Variants in RAPGEF6 observed in about 807,000 individuals in gnomAD.
RAPGEF6 encodes the protein PDZ domain containing guanine nucleotide exchange factor (GEF) 2.
In RAPGEF6, 56 loss-of-function variants were observed where a neutral mutation model predicts 171.4. That is an observed-to-expected ratio of 0.33 (90% confidence interval 0.26 to 0.41). RAPGEF6 has a LOEUF of 0.41. Ranked by LOEUF, RAPGEF6 falls within the 10% of genes least tolerant of loss-of-function variation. RAPGEF6 has a pLI of 1.00. For missense variants in RAPGEF6, 1,674 were observed against 1,921.4 expected, an observed-to-expected ratio of 0.87 and a Z score of 2.41; for synonymous variants, 692 against 650.1, an observed-to-expected ratio of 1.06 and a Z score of -0.98.
chr5:131,537,768 C>G (rs1347346095), intron 6 of RAPGEF6, among the ~76,000 whole-genome samples: 2 of 152,068 alleles, frequency 1.3e-5, no homozygotes, highest in Non-Finnish European at 2.9e-5. Context: ...AAACTGCAGA[C>G]AGAAAATATT....
chr5:131,486,656 A>C (rs1449690271), intron 15 of RAPGEF6, among the ~76,000 whole-genome samples: 1 of 151,898 alleles, frequency 6.6e-6, no homozygotes, highest in Non-Finnish European at 1.5e-5. Flanking sequence ...TTTTGTCTGT[A>C]AGAGTTACTT....
chr5:131,512,048 T>C (rs1040460372), intron 7 of RAPGEF6, among the ~76,000 whole-genome samples: 1 of 151,358 alleles, frequency 6.6e-6, no homozygotes, highest in African/African-American at 2.4e-5. Flanking sequence ...ATGAAACCAA[T>C]AGGCAGGGAA....
chr5:131,537,256 G>C (rs1759834303), intron 6 of RAPGEF6, among the ~76,000 whole-genome samples: 2 of 152,104 alleles, frequency 1.3e-5, no homozygotes, highest in South Asian at 2.1e-4. Context: ...CTGGTTCCCT[G>C]GGCAAATCTG....
chr5:131,489,041 C>T (rs1302304834), intron 15 of RAPGEF6, among the ~76,000 whole-genome samples: 1 of 152,160 alleles, frequency 6.6e-6, no homozygotes, highest in Non-Finnish European at 1.5e-5. Context: ...CATTTTTCCA[C>T]ACAAAGGTAG....
At chr5:131,585,483 T>C (rs1432232310) in intron 4 of RAPGEF6, among the ~76,000 whole-genome samples, 1 of 152,016 alleles carries the variant, frequency 6.6e-6, no homozygotes, top group African/African-American at 2.4e-5. Flanking sequence ...GATAAATGCA[T>C]ACCTGATTGC....
chr5:131,627,022 CAAT>C (rs1561619914), intron 1 of RAPGEF6, among the ~76,000 whole-genome samples: 1 of 151,972 alleles, frequency 6.6e-6, no homozygotes, highest in African/African-American at 2.4e-5. Flanking sequence ...GGGGTAGAAA[CAAT>C]AAAACAGACT....
intron 27 of RAPGEF6, among the ~76,000 whole-genome samples, chr5:131,427,522 A>C (rs1410647035): frequency 2.6e-5 from 4 of 152,132 alleles, no homozygotes; most frequent in Non-Finnish European, 5.9e-5. Flanking sequence ...TAAAAGCATA[A>C]ATTTTCATTT....
chr5:131,607,809 G>A (rs1764699960), intron 1 of RAPGEF6, among the ~76,000 whole-genome samples: 1 of 152,046 alleles, frequency 6.6e-6, no homozygotes, highest in South Asian at 2.1e-4. Context: ...GGGCACGTCA[G>A]GACACCTCCT....
At chr5:131,538,606 G>C (rs189657572) in intron 6 of RAPGEF6, among the ~76,000 whole-genome samples, 3 of 152,048 alleles carry the variant, frequency 2.0e-5, no homozygotes, top group African/African-American at 7.2e-5. Context: ...GAACATCCTC[G>C]AATTTTAGTA....
intron 1 of RAPGEF6, among the ~76,000 whole-genome samples, chr5:131,616,197 G>A (rs893820314): frequency 2.6e-5 from 4 of 152,154 alleles, no homozygotes; most frequent in South Asian, 2.1e-4. Context: ...TTTTTATAGC[G>A]AAGGTGGGAT....
chr5:131,513,970 GTGAGC>G (rs1379350435), intron 7 of RAPGEF6, among the ~76,000 whole-genome samples: 1 of 152,202 alleles, frequency 6.6e-6, no homozygotes, highest in Non-Finnish European at 1.5e-5. Flanking sequence ...AGAGGCTGCA[GTGAGC>G]CGAGATCTTG....
intron 1 of RAPGEF6, among the ~76,000 whole-genome samples, chr5:131,628,462 A>G (rs1354788006): frequency 2.0e-5 from 3 of 152,206 alleles, no homozygotes; most frequent in African/African-American, 7.2e-5. Context: ...AAAAGTTTGA[A>G]GCTGGTGGAA....
At chr5:131,509,467 C>T (rs1453202178) in intron 8 of RAPGEF6, among the ~76,000 whole-genome samples, 2 of 151,750 alleles carry the variant, frequency 1.3e-5, no homozygotes, top group African/African-American at 4.9e-5. Context: ...GGCGTGAACC[C>T]GGGAGGCGGA....
chr5:131,578,832 C>T (rs999789734), intron 4 of RAPGEF6, among the ~76,000 whole-genome samples: 1 of 152,144 alleles, frequency 6.6e-6, no homozygotes, highest in Admixed American at 6.5e-5. Flanking sequence ...AAGAAGACAC[C>T]TACTCTGCAT....
chr5:131,532,092 ATTAC>A (rs1177577253), intron 6 of RAPGEF6: 1 of 434,784 alleles, frequency 2.3e-6, no homozygotes, highest in Admixed American at 2.8e-5. Context: ...GAAAATAACA[ATTAC>A]TTACTTTGGA....
At chr5:131,528,142 A>ATTATATAT (rs1561537763) in intron 6 of RAPGEF6, among the ~76,000 whole-genome samples, 7 of 49,568 alleles carry the variant, frequency 1.4e-4, no homozygotes, top group Admixed American at 4.6e-4. Flanking sequence ...TATAATATAT[A>ATTATATAT]CTATATATAA....
At chr5:131,455,508 T>C (rs1370329362) in intron 20 of RAPGEF6, among the ~76,000 whole-genome samples, 3 of 152,340 alleles carry the variant, frequency 2.0e-5, no homozygotes, top group Admixed American at 1.3e-4. Flanking sequence ...TCCACCTGCC[T>C]AGGCCTTCCA....
intron 1 of RAPGEF6, among the ~76,000 whole-genome samples, chr5:131,618,827 G>A (rs963420101): frequency 6.6e-6 from 1 of 152,052 alleles, no homozygotes; most frequent in African/African-American, 2.4e-5. Flanking sequence ...CAAAAGAGAT[G>A]CAGATGATCC....
intron 21 of RAPGEF6, among the ~76,000 whole-genome samples, chr5:131,449,427 C>A (rs1323281563): frequency 6.6e-6 from 1 of 152,158 alleles, no homozygotes; most frequent in Non-Finnish European, 1.5e-5. Flanking sequence ...TTTTATAGTA[C>A]AGCTTGGATA....
Sources: gnomAD v4.1 joint callset for allele counts (sites outside exome capture counted in the v4.1 genomes callset) on GRCh38, gnomAD v4.1.1 for gene constraint, MANE v1.5 for transcripts, NCBI Gene and HGNC (gene_info 2026-07-23, HGNC 2026-07-21) for gene names.